MYO3B: variants seen among roughly 807,000 people sequenced by gnomAD.
MYO3B encodes myosin-IIIb.
MYO3B carries 156 observed loss-of-function variants against 174.6 expected under a neutral mutation model. That is an observed-to-expected ratio of 0.89 (90% CI 0.78 to 1.02). The LOEUF (loss-of-function observed/expected upper bound fraction) is 1.02. Ranked by LOEUF, MYO3B falls within the 50% of genes least tolerant of loss-of-function variation. The probability of loss-of-function intolerance (pLI) is 0.00; values close to 1 mark genes in which losing one functional copy is unlikely to be tolerated. For missense variants in MYO3B, 1,632 were observed against 1,639.4 expected, an observed-to-expected ratio of 1.00 and a Z score of 0.08; for synonymous variants, 563 against 569.1, an observed-to-expected ratio of 0.99 and a Z score of 0.15.
intron 32 of MYO3B, among the ~76,000 whole-genome samples, chr2:170,649,086 AATAT>A (rs1476520185): frequency 6.1e-5 from 5 of 82,216 alleles, no homozygotes; most frequent in Non-Finnish European, 7.9e-5. Flanking sequence ...TATATAAAAT[AATAT>A]ATAATGTATA....
At position 170,383,135 on chromosome 2, in the gene MYO3B, A is replaced by G; in HGVS notation, c.1131A>G (p.Gly377=). 1 of 1,613,418 alleles carries G rather than the reference A, an allele frequency of 6.2e-7. No homozygotes were observed. Among genetic ancestry groups the G allele is most frequent in the Non-Finnish European group, 8.5e-7 (1 of 1,179,510 alleles). ...ACTTGCTAATTTACACATATGTTGG[A>G]GACATCTTAATTGCCTTAAACCCCT... ...YADLLIYTYV[G]DILIALNPFQ... The change falls in exon 11 of 35, where the codon GGA becomes GGG. Residue 377 remains glycine (G), a synonymous_variant. Transcript: ENST00000408978.
At chr2:170,512,036 C>T (rs1688022254) in intron 28 of MYO3B, among the ~76,000 whole-genome samples, 1 of 152,216 alleles carries the variant, frequency 6.6e-6, no homozygotes, top group South Asian at 2.1e-4. Context: ...TAATGGAAAA[C>T]TTCCCTCCTT....
intron 32 of MYO3B, among the ~76,000 whole-genome samples, chr2:170,609,845 C>T (rs756071369): frequency 1.3e-5 from 2 of 152,200 alleles, no homozygotes; most frequent in East Asian, 1.9e-4. Flanking sequence ...GTCCTGTGCC[C>T]ACTCTTGAAC....
At chr2:170,513,520 A>G (rs1285990978) in intron 28 of MYO3B, among the ~76,000 whole-genome samples, 1 of 152,110 alleles carries the variant, frequency 6.6e-6, no homozygotes, top group Non-Finnish European at 1.5e-5. Flanking sequence ...TTTAGGACCC[A>G]CCTTCATCCA....
intron 32 of MYO3B, among the ~76,000 whole-genome samples, chr2:170,573,368 A>G (rs776919159): frequency 6.6e-6 from 1 of 152,020 alleles, no homozygotes; most frequent in Non-Finnish European, 1.5e-5. Context: ...TAGAGTGGAT[A>G]CCTGTGTGAT....
At chr2:170,274,461 T>C (rs376560433) in intron 7 of MYO3B, among the ~76,000 whole-genome samples, 5 of 152,328 alleles carry the variant, frequency 3.3e-5, no homozygotes, top group African/African-American at 1.2e-4. Flanking sequence ...CACTGTGTTC[T>C]CAGTTCCACA....
At chr2:170,628,627 C>T (rs562102857) in intron 32 of MYO3B, among the ~76,000 whole-genome samples, 15 of 152,224 alleles carry the variant, frequency 9.9e-5, no homozygotes, top group East Asian at 5.8e-4. Context: ...GCATCGTTCA[C>T]GCTGGGAGCT....
chr2:170,517,989 T>TTGTGTGTGTGTG (rs10606302), intron 29 of MYO3B, among the ~76,000 whole-genome samples: 4 of 149,394 alleles, frequency 2.7e-5, no homozygotes, highest in African/African-American at 9.9e-5. Flanking sequence ...GCCATAATGT[T>TTGTGTGTGTGTG]TGTGTGTGTG....
chr2:170,304,617 C>T (rs13405422), intron 7 of MYO3B, among the ~76,000 whole-genome samples: 1,640 of 151,764 alleles, frequency 0.011, 34 homozygotes, highest in African/African-American at 0.038. Context: ...TAGGCATACA[C>T]CACCACACTC....
intron 5 of MYO3B, among the ~76,000 whole-genome samples, chr2:170,215,581 A>G (rs1463202285): frequency 1.3e-5 from 2 of 152,310 alleles, no homozygotes; most frequent in African/African-American, 4.8e-5. Context: ...AAGAATATTT[A>G]TTGTCTTATT....
At chr2:170,442,611 T>A (rs1235347583) in intron 22 of MYO3B, among the ~76,000 whole-genome samples, 6 of 151,994 alleles carry the variant, frequency 3.9e-5, no homozygotes, top group Non-Finnish European at 8.8e-5. Context: ...CATTAACTCA[T>A]CATTTACATT....
chr2:170,617,865 A>G (rs1035745042), intron 32 of MYO3B, among the ~76,000 whole-genome samples: 3 of 152,206 alleles, frequency 2.0e-5, no homozygotes, highest in Non-Finnish European at 4.4e-5. Context: ...GTTCCTTCTG[A>G]GCTAACACAG....
At chr2:170,437,051 T>G (rs2094759778) in intron 22 of MYO3B, among the ~76,000 whole-genome samples, 1 of 152,128 alleles carries the variant, frequency 6.6e-6, no homozygotes, top group Non-Finnish European at 1.5e-5. Context: ...ATAATAACTC[T>G]TATGGGAGGA....
At chr2:170,398,145 C>T (rs941648780) in intron 16 of MYO3B, among the ~76,000 whole-genome samples, 12 of 150,140 alleles carry the variant, frequency 8.0e-5, no homozygotes, top group Middle Eastern at 3.2e-3. Context: ...ATCACTTGAA[C>T]CTGGGTGGCG....
chr2:170,252,554 C>T (rs544060260), intron 7 of MYO3B, among the ~76,000 whole-genome samples: 2 of 152,278 alleles, frequency 1.3e-5, no homozygotes, highest in Admixed American at 1.3e-4. Flanking sequence ...TTACTATGGT[C>T]AGGAACTGTA....
intron 29 of MYO3B, among the ~76,000 whole-genome samples, chr2:170,516,642 CA>C (rs35780085): frequency 0.33 from 35,864 of 108,092 alleles, 4,668 homozygotes; most frequent in South Asian, 0.44. Flanking sequence ...GACTCCGTCT[CA>C]AAAAAAAAAA....
chr2:170,275,077 A>C (rs1007595398), intron 7 of MYO3B, among the ~76,000 whole-genome samples: 1 of 152,186 alleles, frequency 6.6e-6, no homozygotes, highest in Non-Finnish European at 1.5e-5. Context: ...GAAAGAAATA[A>C]GCCCGTATTT....
chr2:170,313,318 A>G (rs1258350557), intron 7 of MYO3B, among the ~76,000 whole-genome samples: 1 of 152,228 alleles, frequency 6.6e-6, no homozygotes, highest in Non-Finnish European at 1.5e-5. Context: ...GATAACATGT[A>G]TGGCCAAGTG....
chr2:170,609,885 G>A (rs1575242661), intron 32 of MYO3B, among the ~76,000 whole-genome samples: 1 of 152,250 alleles, frequency 6.6e-6, no homozygotes, highest in Non-Finnish European at 1.5e-5. Flanking sequence ...TGGGGAAAGG[G>A]GGGCCAGGCC....
Sources: gnomAD v4.1 joint callset for allele counts (sites outside exome capture counted in the v4.1 genomes callset) on GRCh38, gnomAD v4.1.1 for gene constraint, MANE v1.5 for transcripts, NCBI Gene and HGNC (gene_info 2026-07-23, HGNC 2026-07-21) for gene names.